Variants in UGT2B15 observed in about 807,000 individuals in gnomAD.
UGT2B15 encodes the protein UDP-glucuronosyltransferase 2B15.
In UGT2B15, 36 loss-of-function variants were observed where a neutral mutation model predicts 45.9. The ratio of observed to expected loss-of-function variants is 0.78; its 90% CI spans 0.60 to 1.04. The LOEUF (loss-of-function observed/expected upper bound fraction) is 1.04. UGT2B15 is among the 50% of genes least tolerant of loss of function. The pLI is 0.00. For synonymous variants in UGT2B15, 219 were observed against 216.4 expected (o/e 1.01, Z -0.11); for missense variants, 617 against 622.4 (o/e 0.99, Z 0.09).
rs773434465 is a variant in UGT2B15, at chr4:68,670,467, T to A, written c.152A>T (p.His51Leu). The part of the protein sequence containing the change: ...TILEELVQRG[H>L]EVTVLTSSAS... ...CGAAGATGTCAACACAGTCACCTCATGACCCCTCTGAACAAGCTCTTCCAG... is the reference window on the plus strand; with the variant it reads ...CGAAGATGTCAACACAGTCACCTCAAGACCCCTCTGAACAAGCTCTTCCAG... Residue 51 changes from histidine (H) to leucine (L), a missense_variant, in exon 1 of 6, where the codon CAT becomes CTT. Transcript: ENST00000338206. 3.1e-6 allele frequency: 5 copies of A among 1,614,076 alleles called. No homozygotes were observed. The highest frequency in any genetic ancestry group is 2.2e-5 in the East Asian group (1 of 44,866).
In UGT2B15 at chr4:68,647,251, G is replaced by A; in HGVS notation, c.1446C>T (p.His482=). 1 of 1,614,026 alleles carries A rather than the reference G, an allele frequency of 6.2e-7. No homozygotes were observed. The highest frequency in any genetic ancestry group is 8.5e-7 in the Non-Finnish European group (1 of 1,179,952). ...KGAKHLRVAA[H]NLTWIQYHSL... ...AGTGGTACTGGATCCAGGTGAGGTT[G>A]TGAGCTGCGACTCGAAGGTGCTTGG... Residue 482 remains histidine, a synonymous_variant, in exon 6 of 6, where the codon CAC becomes CAT. Coordinates refer to ENST00000338206, the MANE Select transcript of UGT2B15 (RefSeq NM_001076.4).
intron 3 of UGT2B15, among the ~76,000 whole-genome samples, chr4:68,660,553 A>G (rs1289749858): frequency 1.3e-5 from 2 of 151,648 alleles, no homozygotes; most frequent in Non-Finnish European, 2.9e-5. Flanking sequence ...ATAATAAAGC[A>G]AATCAGTTGT....
intron 3 of UGT2B15, among the ~76,000 whole-genome samples, chr4:68,661,201 T>TA (rs896458539): frequency 2.6e-5 from 4 of 151,992 alleles, no homozygotes; most frequent in Admixed American, 6.6e-5. Flanking sequence ...CCAAAGTCAC[T>TA]AAGCAAATCA....
In UGT2B15 at chr4:68,670,268, A is replaced by G. The variant is rs1237843498; in HGVS notation, c.351T>C (p.Cys117=). 5 of 1,613,996 alleles carry G rather than the reference A, an allele frequency of 3.1e-6. No homozygotes were observed. Among genetic ancestry groups the G allele is most frequent in the Middle Eastern group, 1.6e-4 (1 of 6,082 alleles). Residue 117 remains cysteine (C), a synonymous_variant, in exon 1 of 6, where the codon TGT becomes TGC. Transcript: ENST00000338206. Reference sequence around the variant, plus strand: ...TGTTACTGTAGTCATAATATTCCCAACACAATTCTTGTAATTGTGAAAAAT... The same window carrying G: ...TGTTACTGTAGTCATAATATTCCCAGCACAATTCTTGTAATTGTGAAAAAT... ...WSYFSQLQEL[C]WEYYDYSNKL...
At chr4:68,650,198 C>T (rs1732609560) in intron 5 of UGT2B15, among the ~76,000 whole-genome samples, 1 of 151,916 alleles carries the variant, frequency 6.6e-6, no homozygotes, top group Non-Finnish European at 1.5e-5. Flanking sequence ...GCAGAATGTG[C>T]AGGTTTGTTA....
At position 68,668,072 on chromosome 4, in the gene UGT2B15, G is replaced by A. The variant is rs374374307; in HGVS notation, c.841C>T (p.Leu281Phe). The change falls in exon 2 of 6, where the codon CTT (leucine) becomes TTT (phenylalanine). Residue 281 changes from leucine to phenylalanine, a missense_variant. By Grantham distance (22) the Leu-to-Phe change is conservative. This residue lies in a region of UGT2B15 where 351 missense variants were observed against 342.1 expected (regional missense o/e 1.03). Transcript: ENST00000338206. ...FLPNVDFVGG[L>F]HCKPAKPLPK... Reference sequence around the variant, plus strand: ...AGGGGTTTGGCTGGTTTACAGTGAAGTCCTCCAACAAAATCAACATTTGGT... The same window carrying A: ...AGGGGTTTGGCTGGTTTACAGTGAAATCCTCCAACAAAATCAACATTTGGT... The A allele has an allele frequency of 3.7e-6, 6 of 1,613,920 alleles. No homozygotes were observed. The highest frequency in any genetic ancestry group is 3.3e-5 in the South Asian group (3 of 91,048).
At chr4:68,647,841 A>G (rs1299728695) in intron 5 of UGT2B15, among the ~76,000 whole-genome samples, 1 of 151,980 alleles carries the variant, frequency 6.6e-6, no homozygotes, top group Non-Finnish European at 1.5e-5. Context: ...CAGTCTCATG[A>G]GAAGCTAGGA....
intron 5 of UGT2B15, among the ~76,000 whole-genome samples, chr4:68,653,478 T>A (rs189601096): frequency 6.6e-6 from 1 of 152,110 alleles, no homozygotes; most frequent in Non-Finnish European, 1.5e-5. Flanking sequence ...TTTCTAGGAC[T>A]AGAGGTTTAT....
chr4:68,646,996 A>G lies in UGT2B15; in HGVS notation c.*108T>C. The G allele has an allele frequency of 6.7e-7, 1 of 1,491,236 alleles. No homozygotes were observed. The highest frequency in any genetic ancestry group is 2.3e-5 in the East Asian group (1 of 43,966). The allele number at this position is 1,491,236 out of a possible 1,614,324, so 92.4% of individuals were successfully genotyped here. On this transcript the variant is annotated 3_prime_UTR_variant, in exon 6 of 6. Transcript: ENST00000338206. The stretch of plus-strand genomic sequence containing the variant: ...TTGTCTTAACAAGGTAAGTTGTGAA[A>G]AGATGTTTTGTCACAGGAAAAAGGA...
intron 3 of UGT2B15, among the ~76,000 whole-genome samples, chr4:68,657,826 C>G (rs1386574208): frequency 6.6e-6 from 1 of 151,960 alleles, no homozygotes; most frequent in Non-Finnish European, 1.5e-5. Flanking sequence ...TTTTTTTTAT[C>G]TCATGGCTAA....
chr4:68,666,746 A>ATT (rs1172427126), intron 2 of UGT2B15, among the ~76,000 whole-genome samples: 83 of 71,100 alleles, frequency 1.2e-3, no homozygotes, highest in African/African-American at 3.1e-3. Flanking sequence ...ATATATATAT[A>ATT]TATATATTTT....
chr4:68,657,485 C>G lies in UGT2B15; in HGVS notation c.1006-2303G>C, dbSNP rs192748854. On this transcript the variant is annotated intron_variant, in intron 3 of 5. Coordinates refer to ENST00000338206, the MANE Select transcript of UGT2B15 (RefSeq NM_001076.4). ...ACACATTGATTCACCACACATAAAC[C>G]CTAGGCCACAGCTCAGTTCCTCCTT... 5.3e-3 allele frequency among the ~76,000 whole-genome samples: 811 copies of G among 152,118 alleles called. 9 individuals are homozygous for G. The highest frequency in any genetic ancestry group is 0.018 in the African/African-American group (757 of 41,502).
rs369699074 is a variant in UGT2B15, at chr4:68,647,392, T to C, written c.1314-9A>G. Reference sequence around the variant, plus strand: ...TGACATTCTCTTTATAGCTGAAGGATAAATATAAAGATATCAACATTAAAA... The same window carrying C: ...TGACATTCTCTTTATAGCTGAAGGACAAATATAAAGATATCAACATTAAAA... On this transcript the variant is annotated splice_polypyrimidine_tract_variant and intron_variant, in intron 5 of 5. Coordinates refer to ENST00000338206, the MANE Select transcript of UGT2B15 (RefSeq NM_001076.4). 182 of 1,607,658 alleles carry C rather than the reference T, an allele frequency of 1.1e-4. 1 individual carries two copies. The highest frequency in any genetic ancestry group is 1.4e-4 in the Non-Finnish European group (159 of 1,176,092).
intron 3 of UGT2B15, among the ~76,000 whole-genome samples, chr4:68,657,459 C>A (rs1168265567): frequency 6.6e-6 from 1 of 152,054 alleles, no homozygotes; most frequent in African/African-American, 2.4e-5. Flanking sequence ...CCACAAGCAG[C>A]ACACATTGAT....
chr4:68,647,328 G>A lies in UGT2B15; in HGVS notation c.1369C>T (p.Pro457Ser), dbSNP rs1262662502. 1 of 1,613,674 alleles carries A rather than the reference G, an allele frequency of 6.2e-7. No homozygotes were observed. Among genetic ancestry groups the A allele is most frequent in the Non-Finnish European group, 8.5e-7 (1 of 1,179,792 alleles). Reference protein sequence around the residue: ...SRIHHDQPMKPLDRAVFWIEF... With the variant: ...SRIHHDQPMKSLDRAVFWIEF... ...ATCCAGAAGACTGCTCGATCCAGGG[G>A]CTTCATTGGTTGGTCATGATGAATT... The change falls in exon 6 of 6, where the codon CCC becomes TCC. Residue 457 changes from proline (P) to serine (S), a missense_variant. Around this residue, in one of 3 missense-constraint regions of UGT2B15, gnomAD observed 265 missense variants for 245.1 expected, o/e 1.08. Coordinates refer to ENST00000338206, the MANE Select transcript of UGT2B15 (RefSeq NM_001076.4).
chr4:68,669,483 A>G (rs911227568), intron 1 of UGT2B15, among the ~76,000 whole-genome samples: 2 of 152,184 alleles, frequency 1.3e-5, no homozygotes, highest in African/African-American at 4.8e-5. Context: ...AGGAACTCAA[A>G]GAGAAACAAA....
intron 3 of UGT2B15, among the ~76,000 whole-genome samples, chr4:68,657,704 C>T (rs1472731145): frequency 3.3e-5 from 5 of 151,928 alleles, no homozygotes; most frequent in Admixed American, 2.6e-4. Flanking sequence ...TTCCTAAGTT[C>T]TCTCTTTTTA....
At position 68,647,160 on chromosome 4, in the gene UGT2B15, A is replaced by C. The variant is rs748705343; in HGVS notation, c.1537T>G (p.Cys513Gly). ...ATVIFIITKF[C>G]LFCFRKLAKK... ...GCAAGCTTTCGGAAACAAAACAGGC[A>C]AAATTTTGTGATGATAAATATCACA... Residue 513 changes from cysteine (C) to glycine (G), a missense_variant, in exon 6 of 6, where the codon TGC (cysteine) becomes GGC (glycine). By Grantham distance (159) the Cys-to-Gly change is radical (BLOSUM62 -3). This residue lies in a region of UGT2B15 where 265 missense variants were observed against 245.1 expected (regional missense o/e 1.08). Coordinates refer to ENST00000338206, the MANE Select transcript of UGT2B15 (RefSeq NM_001076.4). 1.9e-6 allele frequency: 3 copies of C among 1,613,752 alleles called. No homozygotes were observed. In the South Asian group the frequency reaches 3.3e-5, roughly 18 times the overall value.
intron 1 of UGT2B15, 123 bp downstream of exon 1, chr4:68,669,772 T>C (rs1233417167): frequency 4.4e-6 from 6 of 1,357,008 alleles, no homozygotes; most frequent in Non-Finnish European, 5.0e-6. Context: ...TAGATCATCT[T>C]ACATTTGCAA....
Sources: gnomAD v4.1 joint callset for allele counts (sites outside exome capture counted in the v4.1 genomes callset) on GRCh38, gnomAD v4.1.1 for gene constraint, gnomAD v4.1.1 regional missense constraint, MANE v1.5 for transcripts, NCBI Gene and HGNC (gene_info 2026-07-23, HGNC 2026-07-21) for gene names.